CSGALNACT1: variants seen among roughly 807,000 people sequenced by gnomAD.
CSGALNACT1 encodes the protein chondroitin sulfate N-acetylgalactosaminyltransferase 1, also known as beta4GalNAcT-1.
CSGALNACT1 carries 52 observed loss-of-function variants against 51.0 expected under a neutral mutation model. That is an observed-to-expected ratio of 1.02 (90% CI 0.82 to 1.29). The LOEUF is 1.29. Among genes scored for constraint, CSGALNACT1 ranks in the 50% most tolerant of loss-of-function variants. CSGALNACT1 has a pLI of 0.00. For synonymous variants in CSGALNACT1, 341 were observed against 254.4 expected, an observed-to-expected ratio of 1.34 and a Z score of -3.24; for missense variants, 935 against 679.2, an observed-to-expected ratio of 1.38 and a Z score of -4.19.
At chr8:19,712,750 G>C (rs1281091268) in intron 1 of CSGALNACT1, among the ~76,000 whole-genome samples, 1 of 152,164 alleles carries the variant, frequency 6.6e-6, no homozygotes, top group Non-Finnish European at 1.5e-5. Flanking sequence ...GACAGCACCT[G>C]TTACCTTGCT....
intron 1 of CSGALNACT1, among the ~76,000 whole-genome samples, chr8:19,658,746 AC>A (rs879699086): frequency 1.3e-5 from 2 of 152,102 alleles, no homozygotes; most frequent in East Asian, 1.9e-4. Context: ...AACAACAACA[AC>A]AACAAAAAAC....
intron 1 of CSGALNACT1, among the ~76,000 whole-genome samples, chr8:19,643,011 C>A (rs532069370): frequency 6.6e-6 from 1 of 152,022 alleles, no homozygotes; most frequent in East Asian, 1.9e-4. Context: ...TGTGACCAAC[C>A]TTCTGGATGG....
At chr8:19,573,532 C>G (rs999400772) in intron 3 of CSGALNACT1, among the ~76,000 whole-genome samples, 2 of 152,082 alleles carry the variant, frequency 1.3e-5, no homozygotes, top group African/African-American at 4.8e-5. Flanking sequence ...TAACCTCTGC[C>G]TCCCAGGTTC....
exon 8 of CSGALNACT1, chr8:19,418,748 T>C (rs1224470813): frequency 6.2e-7 from 1 of 1,604,172 alleles, no homozygotes; most frequent in South Asian, 1.1e-5. Context: ...AATACCTTCT[T>C]CCCTACAAAC....
At chr8:19,667,747 T>C (rs181859130) in intron 1 of CSGALNACT1, among the ~76,000 whole-genome samples, 1 of 152,088 alleles carries the variant, frequency 6.6e-6, no homozygotes, top group Non-Finnish European at 1.5e-5. Context: ...GTAAAAATCA[T>C]AGGCCATAAA....
intron 3 of CSGALNACT1, among the ~76,000 whole-genome samples, chr8:19,576,878 T>C (rs2044345947): frequency 6.6e-6 from 1 of 152,100 alleles, no homozygotes; most frequent in South Asian, 2.1e-4. Context: ...TGCCACACCT[T>C]ACTGCTCTCC....
At chr8:19,409,415 G>A (rs2055137120) in intron 8 of CSGALNACT1, among the ~76,000 whole-genome samples, 1 of 152,036 alleles carries the variant, frequency 6.6e-6, no homozygotes, top group Non-Finnish European at 1.5e-5. Context: ...ACACTGCCCA[G>A]TCTCTTACTC....
At chr8:19,578,967 T>C (rs1211346141) in intron 3 of CSGALNACT1, among the ~76,000 whole-genome samples, 1 of 152,152 alleles carries the variant, frequency 6.6e-6, no homozygotes, top group African/African-American at 2.4e-5. Flanking sequence ...TAGCCTCAAG[T>C]GATCCTCCTG....
intron 4 of CSGALNACT1, among the ~76,000 whole-genome samples, chr8:19,493,462 C>T (rs1393836137): frequency 2.0e-5 from 3 of 152,034 alleles, no homozygotes; most frequent in Non-Finnish European, 4.4e-5. Flanking sequence ...CCAAAAGAAA[C>T]TAAGTATTCA....
intron 1 of CSGALNACT1, among the ~76,000 whole-genome samples, chr8:19,746,021 T>C (rs757729602): frequency 1.3e-5 from 2 of 152,168 alleles, no homozygotes; most frequent in African/African-American, 4.8e-5. Flanking sequence ...TTTCAGCTCC[T>C]TGATAATATC....
At chr8:19,478,852 A>G (rs2070546165) in intron 4 of CSGALNACT1, among the ~76,000 whole-genome samples, 1 of 152,210 alleles carries the variant, frequency 6.6e-6, no homozygotes, top group African/African-American at 2.4e-5. Flanking sequence ...CATTGATATC[A>G]AGAACTTTCC....
At chr8:19,667,705 C>CA (rs1284188728) in intron 1 of CSGALNACT1, among the ~76,000 whole-genome samples, 1 of 152,128 alleles carries the variant, frequency 6.6e-6, no homozygotes, top group Non-Finnish European at 1.5e-5. Flanking sequence ...CAAAGAGCTG[C>CA]AAAGGTCATT....
At chr8:19,473,992 G>T (rs1287273834) in intron 4 of CSGALNACT1, among the ~76,000 whole-genome samples, 1 of 152,160 alleles carries the variant, frequency 6.6e-6, no homozygotes, top group Non-Finnish European at 1.5e-5. Flanking sequence ...TTAAATTGAG[G>T]TCTGAGGACT....
chr8:19,493,053 T>C (rs1336823842), intron 4 of CSGALNACT1, among the ~76,000 whole-genome samples: 1 of 72,342 alleles, frequency 1.4e-5, no homozygotes, highest in East Asian at 5.0e-4. Context: ...AAAATTCTTT[T>C]TTTGAAAAAA....
chr8:19,642,014 G>A (rs1206431427), intron 1 of CSGALNACT1: 1 of 152,158 alleles, frequency 6.6e-6, no homozygotes, highest in African/African-American at 2.4e-5. Context: ...AACGCCTGAT[G>A]TCTGTGTCTA....
chr8:19,739,843 T>C (rs1335968319), intron 1 of CSGALNACT1, among the ~76,000 whole-genome samples: 7 of 152,236 alleles, frequency 4.6e-5, no homozygotes, highest in Non-Finnish European at 8.8e-5. Context: ...TTATTCTATG[T>C]AAGAAAGAAG....
At chr8:19,640,405 C>T (rs1403071534) in intron 1 of CSGALNACT1, among the ~76,000 whole-genome samples, 1 of 152,168 alleles carries the variant, frequency 6.6e-6, no homozygotes, top group Non-Finnish European at 1.5e-5. Flanking sequence ...CTCCAGACTC[C>T]TTGGAATTCA....
chr8:19,419,111 G>A (rs1182191986), intron 7 of CSGALNACT1, among the ~76,000 whole-genome samples: 2 of 152,158 alleles, frequency 1.3e-5, no homozygotes, highest in Non-Finnish European at 2.9e-5. Flanking sequence ...CTCCCAAAGT[G>A]CTGGGATTAC....
At chr8:19,519,430 C>G (rs1455159803) in intron 3 of CSGALNACT1, among the ~76,000 whole-genome samples, 2 of 152,036 alleles carry the variant, frequency 1.3e-5, no homozygotes, top group Non-Finnish European at 2.9e-5. Context: ...GTAGACAGAG[C>G]TTTTCAATAT....
Sources: allele counts gnomAD v4.1 joint callset (sites outside exome capture counted in the v4.1 genomes callset), GRCh38; gene constraint gnomAD v4.1.1; transcripts MANE v1.5; gene names NCBI Gene and HGNC (gene_info 2026-07-23, HGNC 2026-07-21).